Variants in MAGI2 observed in about 807,000 individuals in gnomAD.
The protein encoded by MAGI2 is membrane associated guanylate kinase, WW and PDZ domain containing 2.
A neutral mutation model predicts 133.3 loss-of-function variants in MAGI2; 35 were observed. The observed-to-expected ratio is 0.26, with a 90% confidence interval of 0.20 to 0.35. The LOEUF is 0.35. MAGI2 is among the 10% of genes least tolerant of loss of function. The pLI, the probability that MAGI2 is intolerant of heterozygous loss-of-function variation, is 1.00. For synonymous variants in MAGI2, 729 were observed against 710.6 expected, an observed-to-expected ratio of 1.03 and a Z score of -0.41; for missense variants, 1,636 against 1,863.4, an observed-to-expected ratio of 0.88 and a Z score of 2.25.
chr7:78,542,241 C>G (rs1045136360), intron 3 of MAGI2, among the ~76,000 whole-genome samples: 2 of 152,158 alleles, frequency 1.3e-5, no homozygotes, highest in African/African-American at 4.8e-5. Flanking sequence ...ACTTAGTCCA[C>G]AGGTTATAGT....
intron 2 of MAGI2, among the ~76,000 whole-genome samples, chr7:78,658,297 GA>G: frequency 6.7e-6 from 1 of 150,198 alleles, no homozygotes; most frequent in African/African-American, 2.4e-5. Context: ...TTTAAAAAAC[GA>G]CTTTGGCCTT....
chr7:78,422,755 G>A (rs1238932805), intron 6 of MAGI2, among the ~76,000 whole-genome samples: 1 of 151,998 alleles, frequency 6.6e-6, no homozygotes, highest in African/African-American at 2.4e-5. Context: ...CTTGAAAGGT[G>A]GTCATTAATG....
intron 1 of MAGI2, among the ~76,000 whole-genome samples, chr7:79,012,436 CA>C (rs926951253): frequency 2.5e-4 from 38 of 152,224 alleles, no homozygotes; most frequent in African/African-American, 9.1e-4. Flanking sequence ...CGCATTATAA[CA>C]GGCCAAACTG....
intron 2 of MAGI2, among the ~76,000 whole-genome samples, chr7:78,653,409 A>T (rs112764253): frequency 0.081 from 12,271 of 152,232 alleles, 701 homozygotes; most frequent in African/African-American, 0.16. Flanking sequence ...TGTAGACTGG[A>T]TAAAGAAAAT....
chr7:78,135,255 G>A, intron 16 of MAGI2, 49 bp from the exon 17 acceptor site: 8 of 1,426,596 alleles, frequency 5.6e-6, no homozygotes, highest in Non-Finnish European at 7.9e-6. Context: ...ACCAATACAT[G>A]TTCTTTCAGT....
At chr7:78,122,568 G>T (rs145630893) in intron 20 of MAGI2, among the ~76,000 whole-genome samples, 444 of 152,162 alleles carry the variant, frequency 2.9e-3, no homozygotes, top group Non-Finnish European at 4.8e-3. Context: ...TACACAAATG[G>T]TACCCAGCTG....
chr7:78,256,352 T>C lies in MAGI2; in HGVS notation c.1638A>G (p.Thr546=). ...VMVNGRHNYE[T]YLEYISRTSQ... is the part of the protein sequence containing the mutation. ...AGGTCCGAGAAATGTACTCCAAATA[T>C]GTTTCATAGTTGTGTCTTCCATTGA... Residue 546 remains threonine (T), a synonymous_variant, in exon 10 of 22, where the codon ACA becomes ACG. Coordinates refer to ENST00000354212, the MANE Select transcript of MAGI2 (RefSeq NM_012301.4). 1.2e-6 allele frequency: 2 copies of C among 1,614,064 alleles called. No homozygotes were observed. The highest frequency in any genetic ancestry group is 1.7e-6 in the Non-Finnish European group (2 of 1,179,992).
intron 2 of MAGI2, among the ~76,000 whole-genome samples, chr7:78,747,505 A>G (rs556117250): frequency 6.7e-4 from 102 of 152,268 alleles, no homozygotes; most frequent in Non-Finnish European, 1.3e-3. Context: ...ACCAATTGCA[A>G]GCATAGTCGA....
chr7:78,808,826 G>A (rs892961417), intron 2 of MAGI2, among the ~76,000 whole-genome samples: 1 of 152,116 alleles, frequency 6.6e-6, no homozygotes, highest in Admixed American at 6.5e-5. Flanking sequence ...CTGCCACTGT[G>A]GAGGTAGCTC....
chr7:78,278,820 T>G (rs987270675), intron 9 of MAGI2, among the ~76,000 whole-genome samples: 1 of 152,140 alleles, frequency 6.6e-6, no homozygotes, highest in African/African-American at 2.4e-5. Flanking sequence ...GATTTTAAAT[T>G]TGCCAGCCCT....
chr7:78,385,409 G>A (rs1198032042), intron 6 of MAGI2, among the ~76,000 whole-genome samples: 3 of 152,088 alleles, frequency 2.0e-5, no homozygotes, highest in African/African-American at 7.2e-5. Flanking sequence ...AGTGTCAAAG[G>A]CACTGACAGT....
At chr7:78,984,572 C>T (rs1160364572) in intron 2 of MAGI2, among the ~76,000 whole-genome samples, 1 of 151,896 alleles carries the variant, frequency 6.6e-6, no homozygotes, top group Non-Finnish European at 1.5e-5. Context: ...TTTAGAAGGT[C>T]CTGCCTTCAG....
At chr7:78,599,594 A>G (rs931541691) in intron 3 of MAGI2, among the ~76,000 whole-genome samples, 4 of 152,224 alleles carry the variant, frequency 2.6e-5, no homozygotes, top group African/African-American at 4.8e-5. Context: ...TATCAAAACA[A>G]TGTATCTCTT....
intron 14 of MAGI2, among the ~76,000 whole-genome samples, chr7:78,174,022 G>A (rs759706271): frequency 9.2e-5 from 14 of 152,152 alleles, no homozygotes; most frequent in African/African-American, 2.7e-4. Flanking sequence ...CCGCCAGGAC[G>A]CTATCTCTGT....
chr7:78,752,418 C>A (rs1197133936), intron 2 of MAGI2, among the ~76,000 whole-genome samples: 1 of 152,112 alleles, frequency 6.6e-6, no homozygotes. Flanking sequence ...CCCTGACCAA[C>A]AAGGTGAAAC....
intron 6 of MAGI2, among the ~76,000 whole-genome samples, chr7:78,475,200 G>A (rs7807844): frequency 0.21 from 32,222 of 151,802 alleles, 4,068 homozygotes; most frequent in African/African-American, 0.36. Flanking sequence ...AGTAATCAGA[G>A]TGGAATAAAG....
At chr7:78,647,857 G>A (rs917976568) in intron 2 of MAGI2, among the ~76,000 whole-genome samples, 2 of 152,242 alleles carry the variant, frequency 1.3e-5, no homozygotes, top group East Asian at 3.9e-4. Flanking sequence ...GGACATGGAT[G>A]AGGCTGGAAA....
At chr7:79,327,888 T>C (rs1839814460) in intron 1 of MAGI2, among the ~76,000 whole-genome samples, 1 of 152,266 alleles carries the variant, frequency 6.6e-6, no homozygotes, top group East Asian at 1.9e-4. Flanking sequence ...TGAAACAAAG[T>C]TTTGGTTTTG....
intron 2 of MAGI2, among the ~76,000 whole-genome samples, chr7:78,667,099 C>T (rs909207663): frequency 6.6e-6 from 1 of 152,010 alleles, no homozygotes; most frequent in Admixed American, 6.6e-5. Flanking sequence ...CAGAGAGATT[C>T]CAGGTGCCCT....
Sources: allele counts gnomAD v4.1 joint callset (sites outside exome capture counted in the v4.1 genomes callset), GRCh38; gene constraint gnomAD v4.1.1; transcripts MANE v1.5; gene names NCBI Gene and HGNC (gene_info 2026-07-23, HGNC 2026-07-21).